The following GLDC variants were observed in gnomAD, a reference collection of about 807,000 sequenced individuals.
GLDC encodes the protein glycine decarboxylase, also known as glycine dehydrogenase (decarboxylating), mitochondrial.
GLDC carries 104 observed loss-of-function variants against 121.3 expected under a neutral mutation model. The ratio of observed to expected loss-of-function variants is 0.86; its 90% CI spans 0.73 to 1.01. The LOEUF is 1.01. GLDC is among the 50% of genes least tolerant of loss of function. The pLI, the probability that GLDC is intolerant of heterozygous loss-of-function variation, is 0.00. For missense variants in GLDC, 1,429 were observed against 1,306.6 expected (o/e 1.09, Z -1.44); for synonymous variants, 546 against 480.6 (o/e 1.14, Z -1.78).
chr9:6,587,536 G>T (rs1397167939), intron 14 of GLDC, among the ~76,000 whole-genome samples: 1 of 152,180 alleles, frequency 6.6e-6, no homozygotes, highest in Non-Finnish European at 1.5e-5. Flanking sequence ...TAACTTTTCA[G>T]GGAAGAAAAG....
At chr9:6,600,278 G>A (rs567351980) in intron 8 of GLDC, among the ~76,000 whole-genome samples, 7 of 151,622 alleles carry the variant, frequency 4.6e-5, no homozygotes, top group South Asian at 2.1e-4. Flanking sequence ...TGAGACCGGA[G>A]AATAATTTGA....
chr9:6,625,171 T>C (rs1819205470), intron 2 of GLDC, among the ~76,000 whole-genome samples: 2 of 152,096 alleles, frequency 1.3e-5, no homozygotes, highest in African/African-American at 4.8e-5. Flanking sequence ...TGGAAGTCTG[T>C]GCAGAGGGGT....
intron 7 of GLDC, among the ~76,000 whole-genome samples, chr9:6,603,833 G>A (rs1818672960): frequency 6.6e-6 from 1 of 150,886 alleles, no homozygotes; most frequent in Non-Finnish European, 1.5e-5. Flanking sequence ...TGGTTCAAGT[G>A]ATTCTCCTGC....
intron 11 of GLDC, among the ~76,000 whole-genome samples, chr9:6,590,546 G>C (rs11788881): frequency 6.6e-6 from 1 of 151,898 alleles, no homozygotes; most frequent in South Asian, 2.1e-4. Flanking sequence ...TTTTTCTTTT[G>C]CCATGTGATG....
chr9:6,614,634 C>G (rs756398550), intron 3 of GLDC, among the ~76,000 whole-genome samples: 3 of 151,618 alleles, frequency 2.0e-5, no homozygotes, highest in African/African-American at 4.9e-5. Flanking sequence ...AGTGATCCTT[C>G]CACCTCAGCT....
At chr9:6,580,855 T>A (rs968978100) in intron 15 of GLDC, among the ~76,000 whole-genome samples, 2 of 152,216 alleles carry the variant, frequency 1.3e-5, no homozygotes, top group African/African-American at 2.4e-5. Context: ...TTCCTTAATC[T>A]AGTTATATAA....
At chr9:6,622,488 C>G (rs1007605146) in intron 2 of GLDC, among the ~76,000 whole-genome samples, 1 of 151,530 alleles carries the variant, frequency 6.6e-6, no homozygotes, top group Non-Finnish European at 1.5e-5. Context: ...GAGTGATCCG[C>G]CAGCCTCGGC....
At chr9:6,618,978 C>T (rs1362662941) in intron 3 of GLDC, among the ~76,000 whole-genome samples, 7 of 151,654 alleles carry the variant, frequency 4.6e-5, no homozygotes, top group Non-Finnish European at 8.8e-5. Flanking sequence ...CCCGTCTCTA[C>T]TAAAAATGCA....
At chr9:6,617,017 T>G (rs1279794816) in intron 3 of GLDC, among the ~76,000 whole-genome samples, 1 of 152,180 alleles carries the variant, frequency 6.6e-6, no homozygotes, top group Non-Finnish European at 1.5e-5. Context: ...TAAAATAAAT[T>G]CTAGACCTGA....
chr9:6,601,119 G>T (rs894385107), intron 8 of GLDC, among the ~76,000 whole-genome samples: 4 of 152,150 alleles, frequency 2.6e-5, no homozygotes, highest in Non-Finnish European at 4.4e-5. Context: ...GTTGCAGTGA[G>T]CTGAGATTGC....
At chr9:6,644,571 G>T in intron 2 of GLDC, 43 bp downstream of exon 2, 1 of 1,294,308 alleles carries the variant, frequency 7.7e-7, no homozygotes, top group South Asian at 1.2e-5. Flanking sequence ...AGACAAATAG[G>T]CCAGAATAAT....
At chr9:6,537,257 G>T (rs12347465) in intron 22 of GLDC, among the ~76,000 whole-genome samples, 1 of 151,928 alleles carries the variant, frequency 6.6e-6, no homozygotes, top group African/African-American at 2.4e-5. Flanking sequence ...GAGCTCAAGC[G>T]ATCTGCCTGT....
At chr9:6,603,429 G>C (rs1818659256) in intron 7 of GLDC, among the ~76,000 whole-genome samples, 1 of 151,522 alleles carries the variant, frequency 6.6e-6, no homozygotes, top group South Asian at 2.1e-4. Context: ...GAGCAATATG[G>C]TGAAACCCTG....
At chr9:6,593,138 C>T (rs1818411731) in intron 9 of GLDC, 148 bp from the exon 10 acceptor site, 2 of 742,056 alleles carry the variant, frequency 2.7e-6, no homozygotes, top group East Asian at 2.7e-5. Context: ...AAAAACTAAA[C>T]ATGTTTATTA....
intron 15 of GLDC, among the ~76,000 whole-genome samples, chr9:6,578,006 C>T (rs1331159692): frequency 6.6e-6 from 1 of 151,964 alleles, no homozygotes; most frequent in Non-Finnish European, 1.5e-5. Flanking sequence ...CCTCAACCTC[C>T]TGGGCTCAAG....
At chr9:6,617,746 C>T (rs115833682) in intron 3 of GLDC, among the ~76,000 whole-genome samples, 1,615 of 152,196 alleles carry the variant, frequency 0.011, 20 homozygotes, top group African/African-American at 0.037. Flanking sequence ...ATTGCATCTA[C>T]GACAAAGCAC....
chr9:6,642,336 C>G (rs905315921), intron 2 of GLDC, among the ~76,000 whole-genome samples: 9 of 152,016 alleles, frequency 5.9e-5, no homozygotes, highest in African/African-American at 2.2e-4. Flanking sequence ...TCAAGACCAG[C>G]CTGGCCAACA....
intron 8 of GLDC, among the ~76,000 whole-genome samples, chr9:6,600,449 G>A (rs1178424890): frequency 6.6e-6 from 1 of 151,922 alleles, no homozygotes; most frequent in African/African-American, 2.4e-5. Context: ...GGCCCAGGCA[G>A]GACCATCACT....
At chr9:6,578,563 A>T (rs2129802961) in intron 15 of GLDC, among the ~76,000 whole-genome samples, 1 of 151,938 alleles carries the variant, frequency 6.6e-6, no homozygotes, top group Middle Eastern at 3.4e-3. Context: ...TCTTAGAAAC[A>T]GAGTCTCACT....
Sources: allele counts gnomAD v4.1 joint callset (sites outside exome capture counted in the v4.1 genomes callset), GRCh38; gene constraint gnomAD v4.1.1; transcripts MANE v1.5; gene names NCBI Gene and HGNC (gene_info 2026-07-23, HGNC 2026-07-21).